OOEP: variants seen among roughly 807,000 people sequenced by gnomAD.
OOEP encodes oocyte-expressed protein homolog.
Under a neutral mutation model 13.7 loss-of-function variants are expected in OOEP, and 16 were observed. The observed-to-expected ratio is 1.16, with a 90% CI of 0.79 to 1.77. The LOEUF (loss-of-function observed/expected upper bound fraction) is 1.77. OOEP is among the 40% of genes most tolerant of loss of function. The pLI, the probability that OOEP is intolerant of heterozygous loss-of-function variation, is 0.00. For missense variants in OOEP, 195 were observed against 193.1 expected (o/e 1.01, Z -0.06); for synonymous variants, 89 against 77.1 (o/e 1.15, Z -0.81).
chr6:73,394,269 G>T, intron 2 of OOEP: 1 of 709,390 alleles, frequency 1.4e-6, no homozygotes, highest in South Asian at 1.5e-5. Context: ...TACATAGCGA[G>T]GATAAATGCT....
upstream of OOEP, chr6:73,373,148 GA>G: frequency 6.2e-7 from 1 of 1,610,264 alleles, no homozygotes; most frequent in Admixed American, 1.7e-5. Context: ...TCTCCTTTTG[GA>G]GTTGTACCTG....
chr6:73,392,365 G>C (rs138690127), intron 2 of OOEP, among the ~76,000 whole-genome samples: 1 of 151,956 alleles, frequency 6.6e-6, no homozygotes, highest in African/African-American at 2.4e-5. Flanking sequence ...GTGCAATGGC[G>C]CAATCTTGGC....
exon 1 of OOEP, chr6:73,395,040 C>G (rs775392321): frequency 5.0e-6 from 8 of 1,612,300 alleles, no homozygotes; most frequent in Non-Finnish European, 6.8e-6. Flanking sequence ...GATATAGTGT[C>G]GGCAGAGGTG....
At chr6:73,387,743 C>G (rs1180331296) in intron 2 of OOEP, 1 of 151,970 alleles carries the variant, frequency 6.6e-6, no homozygotes, top group Non-Finnish European at 1.5e-5. Context: ...AGGTACGTGC[C>G]ACCAAGCCTG....
At chr6:73,394,120 C>T (rs911526788) in intron 2 of OOEP, among the ~76,000 whole-genome samples, 2 of 152,098 alleles carry the variant, frequency 1.3e-5, no homozygotes, top group Admixed American at 6.5e-5. Flanking sequence ...GTGGGAGGAT[C>T]ACTTGAGTCC....
At chr6:73,392,365 G>A (rs138690127) in intron 2 of OOEP, among the ~76,000 whole-genome samples, 4,068 of 152,064 alleles carry the variant, frequency 0.027, 156 homozygotes, top group African/African-American at 0.082. Flanking sequence ...GTGCAATGGC[G>A]CAATCTTGGC....
chr6:73,382,850 CTTTTT>C (rs765716551), intron 2 of OOEP, among the ~76,000 whole-genome samples: 2 of 102,262 alleles, frequency 2.0e-5, no homozygotes, highest in Admixed American at 1.2e-4. Flanking sequence ...TGGTTTTTAA[CTTTTT>C]TTTTTTTTTT....
At position 73,394,345 on chromosome 6, in the gene OOEP, C is replaced by T; in HGVS notation, c.25+1G>A. 1.4e-6 allele frequency: 1 copy of T among 715,522 alleles called. No individual in the cohort carries two copies. Among genetic ancestry groups the T allele is most frequent in the East Asian group, 2.7e-5 (1 of 37,254 alleles). The allele number at this position is 715,522 out of a possible 1,614,324, so 44.3% of individuals were successfully genotyped here. On this transcript the variant is annotated splice_donor_variant, in intron 2 of 3. Transcript: ENST00000370363. LOFTEE classifies it high-confidence loss of function. ...TGGGTCACCTTGTAACAGTGACTTA[C>T]CTTTATGGGTCACGGTTGAAAACAT...
At chr6:73,393,642 T>A (rs575691262) in intron 2 of OOEP, among the ~76,000 whole-genome samples, 7 of 151,838 alleles carry the variant, frequency 4.6e-5, no homozygotes, top group Non-Finnish European at 1.0e-4. Context: ...CCGGGCAACA[T>A]AGGGAGGTCT....
exon 1 of OOEP, chr6:73,395,007 G>C (rs1250826484): frequency 6.2e-7 from 1 of 1,614,278 alleles, no homozygotes. Flanking sequence ...CGGCGGAGGA[G>C]TTGAATCGAA....
chr6:73,383,591 C>T (rs1380638232), intron 2 of OOEP, among the ~76,000 whole-genome samples: 2 of 151,702 alleles, frequency 1.3e-5, no homozygotes, highest in African/African-American at 2.4e-5. Context: ...GCCGAGATTG[C>T]GCCACTGCAC....
chr6:73,394,290 T>C (rs1212360434), intron 2 of OOEP: 4 of 713,130 alleles, frequency 5.6e-6, no homozygotes, highest in South Asian at 3.0e-5. Context: ...GTTTTGTCAA[T>C]CTGTTGTTTC....
chr6:73,379,825 C>G (rs981738470), intron 2 of OOEP, among the ~76,000 whole-genome samples: 2 of 152,056 alleles, frequency 1.3e-5, no homozygotes, highest in Non-Finnish European at 2.9e-5. Context: ...TGAGCTCAAG[C>G]AGTCTGCCCA....
At position 73,393,016 on chromosome 6, in the gene OOEP, C is replaced by T. The variant is rs559964881; in HGVS notation, c.25+1330G>A. On this transcript the variant is annotated intron_variant, in intron 2 of 3. Transcript: ENST00000370363. ...CTCCAGACCTCAAGTGATCTGCCTG[C>T]CTCACATTCCCAAGGTGCTGGGATT... is the stretch of plus-strand genomic sequence containing the variant. Among the ~76,000 whole-genome samples the T allele has an allele frequency of 2.0e-5, 3 of 152,128 alleles. No homozygotes were observed. The East Asian group carries it at 5.8e-4, about 29-fold the overall frequency.
chr6:73,390,697 C>T (rs2150783774), intron 2 of OOEP, among the ~76,000 whole-genome samples: 1 of 151,328 alleles, frequency 6.6e-6, no homozygotes, highest in South Asian at 2.1e-4. Flanking sequence ...CTGCCTCAGC[C>T]TCTCACGTAG....
chr6:73,378,382 G>A (rs766660722), intron 2 of OOEP, among the ~76,000 whole-genome samples: 30 of 151,930 alleles, frequency 2.0e-4, no homozygotes, highest in Non-Finnish European at 4.0e-4. Context: ...TGGGATTATA[G>A]GCCTGAGCCA....
At chr6:73,383,533 G>T (rs1323458084) in intron 2 of OOEP, among the ~76,000 whole-genome samples, 1 of 152,142 alleles carries the variant, frequency 6.6e-6, no homozygotes, top group Non-Finnish European at 1.5e-5. Context: ...TGCTCAGAAG[G>T]CTGAGGCAGG....
upstream of OOEP, among the ~76,000 whole-genome samples, chr6:73,372,545 G>A (rs1362476741): frequency 6.6e-6 from 1 of 152,026 alleles, no homozygotes; most frequent in Non-Finnish European, 1.5e-5. Flanking sequence ...TCTCAGCTTT[G>A]GGGAGACCGA....
rs755249270 is a variant in OOEP, at chr6:73,369,696, G to C, written c.97C>G (p.Gln33Glu). ...QLRRLPLPPPQIRIRPWWFPV... is the reference protein window; with the variant it reads ...QLRRLPLPPPEIRIRPWWFPV... The stretch of plus-strand genomic sequence containing the variant: ...AACCACCAGGGCCGGATGCGAATCT[G>C]TGGCGGCGGAAGTGGTAACCTACGC... The change falls in exon 1 of 3, where the codon CAG becomes GAG. Residue 33 changes from glutamine (Q) to glutamate (E), a missense_variant. By Grantham distance (29) the Gln-to-Glu change is conservative. Coordinates refer to ENST00000370359, the MANE Select transcript of OOEP (RefSeq NM_001080507.3). The C allele has an allele frequency of 3.7e-6, 6 of 1,614,044 alleles. No homozygotes were observed. Among genetic ancestry groups the C allele is most frequent in the East Asian group, 2.2e-5 (1 of 44,878 alleles).
Sources: gnomAD v4.1 joint callset for allele counts (sites outside exome capture counted in the v4.1 genomes callset) on GRCh38, gnomAD v4.1.1 for gene constraint, MANE v1.5 for transcripts, NCBI Gene and HGNC (gene_info 2026-07-23, HGNC 2026-07-21) for gene names.